STPG2: variants seen among roughly 807,000 people sequenced by gnomAD.
STPG2 encodes the protein sperm tail PG-rich repeat containing 2, also known as sperm-tail PG-rich repeat-containing protein 2.
A neutral mutation model predicts 54.2 loss-of-function variants in STPG2; 56 were observed. The ratio of observed to expected loss-of-function variants is 1.03; its 90% CI spans 0.83 to 1.29. STPG2 has a LOEUF of 1.29. STPG2 is among the 50% of genes most tolerant of loss of function. The pLI, the probability that STPG2 is intolerant of heterozygous loss-of-function variation, is 0.00. For synonymous variants in STPG2, 200 were observed against 181.8 expected (o/e 1.10, Z -0.81); for missense variants, 596 against 544.9 (o/e 1.09, Z -0.93).
At chr4:97,788,867 T>C (rs1340068797) in intron 9 of STPG2, among the ~76,000 whole-genome samples, 1 of 152,120 alleles carries the variant, frequency 6.6e-6, no homozygotes, top group Non-Finnish European at 1.5e-5. Context: ...GTTCGATATA[T>C]CCTTTGTATC....
At chr4:98,100,145 A>C (rs1376894250) in intron 5 of STPG2, among the ~76,000 whole-genome samples, 4 of 152,162 alleles carry the variant, frequency 2.6e-5, no homozygotes, top group African/African-American at 9.6e-5. Flanking sequence ...AATACAAAGA[A>C]AGAAAAAAAA....
At position 97,676,113 on chromosome 4, in the gene STPG2, A is replaced by AGT. The variant is rs1239254521; in HGVS notation, c.1320+36584_1320+36585dup. Among the ~76,000 whole-genome samples, 3 of 146,766 alleles carry AGT rather than the reference A, an allele frequency of 2.0e-5. No individual in the cohort carries two copies. In the Admixed American group the frequency reaches 2.1e-4, roughly 10 times the overall value. On this transcript the variant is annotated intron_variant, in intron 10 of 10. Coordinates refer to ENST00000295268, the MANE Select transcript of STPG2 (RefSeq NM_174952.3). ...TACTAAATATATACTATATATATGT[A>AGT]GTGTATATATATATTTTTTTGCTTA...
intron 10 of STPG2, among the ~76,000 whole-genome samples, chr4:97,582,354 T>C (rs1292562763): frequency 1.3e-5 from 2 of 152,024 alleles, no homozygotes; most frequent in African/African-American, 4.8e-5. Flanking sequence ...AACATCATGA[T>C]GCAATATAAA....
chr4:97,767,696 A>G (rs74394929), intron 9 of STPG2, among the ~76,000 whole-genome samples: 5,740 of 152,188 alleles, frequency 0.038, 144 homozygotes, highest in Non-Finnish European at 0.053. Context: ...GAGTATTTGA[A>G]TGTGTTATTT....
At chr4:97,998,234 C>A (rs910183960) in intron 5 of STPG2, among the ~76,000 whole-genome samples, 1 of 152,158 alleles carries the variant, frequency 6.6e-6, no homozygotes, top group African/African-American at 2.4e-5. Context: ...AATTATGTAG[C>A]ACCAATTCTG....
intron 8 of STPG2, among the ~76,000 whole-genome samples, chr4:97,934,294 T>C (rs1183715269): frequency 3.3e-5 from 5 of 152,232 alleles, no homozygotes; most frequent in Non-Finnish European, 5.9e-5. Flanking sequence ...TATAGGATCA[T>C]ATTGTCTGCA....
chr4:97,757,206 A>C (rs1349719313), intron 9 of STPG2, among the ~76,000 whole-genome samples: 4 of 152,202 alleles, frequency 2.6e-5, no homozygotes, highest in Non-Finnish European at 4.4e-5. Context: ...TTTACAATTC[A>C]AGTCCATCTC....
rs1219241153 is a variant in STPG2 at position 98,128,454 on chromosome 4, C to T, written c.361G>A (p.Gly121Ser). ...AATTGAGGTTTGTAGTATGCTGGAC[C>T]AAGTGTACTGTCACAAGCAGGTGGA... ...CFPPACDSTL[G>S]PAYYKPQFDV... Residue 121 changes from glycine to serine, a missense_variant, in exon 3 of 11, where the codon GGT becomes AGT. By Grantham distance (56) the Gly-to-Ser change is moderately conservative. Coordinates refer to ENST00000295268, the MANE Select transcript of STPG2 (RefSeq NM_174952.3). The T allele has an allele frequency of 9.9e-6, 16 of 1,611,248 alleles. No individual in the cohort carries two copies. Among genetic ancestry groups the T allele is most frequent in the Middle Eastern group, 1.7e-4 (1 of 5,972 alleles).
chr4:97,886,761 T>C (rs1730585402), intron 8 of STPG2, among the ~76,000 whole-genome samples: 1 of 152,208 alleles, frequency 6.6e-6, no homozygotes, highest in African/African-American at 2.4e-5. Context: ...ACTGCCCAAA[T>C]GTCATGTCAA....
chr4:97,666,308 T>C (rs11097566), intron 10 of STPG2, among the ~76,000 whole-genome samples: 88,828 of 152,036 alleles, frequency 0.58, 26,304 homozygotes, highest in African/African-American at 0.68. Context: ...CTAGATGGGA[T>C]GCCTACCACT....
At chr4:97,694,397 C>T (rs1233654245) in intron 10 of STPG2, among the ~76,000 whole-genome samples, 1 of 151,556 alleles carries the variant, frequency 6.6e-6, no homozygotes, top group Non-Finnish European at 1.5e-5. Context: ...ACTTTACATG[C>T]ATAAAGAGGA....
At chr4:97,688,515 C>T (rs529244687) in intron 10 of STPG2, among the ~76,000 whole-genome samples, 247 of 152,098 alleles carry the variant, frequency 1.6e-3, no homozygotes, top group African/African-American at 5.7e-3. Context: ...TACAGGCACC[C>T]GCCACCATGC....
intron 6 of STPG2, among the ~76,000 whole-genome samples, chr4:97,975,549 A>G (rs1315391419): frequency 6.6e-6 from 1 of 152,136 alleles, no homozygotes; most frequent in Non-Finnish European, 1.5e-5. Context: ...ATGCTGTTCA[A>G]AAGTTTTTAT....
chr4:97,446,689 T>G (rs759013383), intron 4 of STPG2, among the ~76,000 whole-genome samples: 1 of 152,150 alleles, frequency 6.6e-6, no homozygotes, highest in Non-Finnish European at 1.5e-5. Context: ...GTTTTATAAG[T>G]GTTGGCAGTA....
chr4:97,952,403 C>T (rs1170689859), intron 7 of STPG2, among the ~76,000 whole-genome samples: 1 of 152,122 alleles, frequency 6.6e-6, no homozygotes, highest in Non-Finnish European at 1.5e-5. Flanking sequence ...AGAAACTTCC[C>T]AACAGCAAAA....
chr4:98,030,214 C>T (rs192531938), intron 5 of STPG2, among the ~76,000 whole-genome samples: 1 of 152,300 alleles, frequency 6.6e-6, no homozygotes, highest in East Asian at 1.9e-4. Context: ...AAAGCAGCTG[C>T]AGTCTCTATC....
intron 5 of STPG2, among the ~76,000 whole-genome samples, chr4:98,060,179 A>G (rs553383822): frequency 2.0e-5 from 3 of 152,320 alleles, no homozygotes; most frequent in Admixed American, 6.5e-5. Context: ...CCCCAGTCTC[A>G]GCCCAAAACT....
chr4:97,687,258 T>C (rs564948397), intron 10 of STPG2, among the ~76,000 whole-genome samples: 24 of 151,828 alleles, frequency 1.6e-4, no homozygotes, highest in African/African-American at 5.6e-4. Flanking sequence ...CCCTAACATT[T>C]TAATAAGCTC....
intron 4 of STPG2, among the ~76,000 whole-genome samples, chr4:97,520,144 G>A (rs1329896291): frequency 6.6e-6 from 1 of 152,090 alleles, no homozygotes; most frequent in Non-Finnish European, 1.5e-5. Context: ...CAATGGAATG[G>A]TTATGGTATT....
Sources: gnomAD v4.1 joint callset for allele counts (sites outside exome capture counted in the v4.1 genomes callset) on GRCh38, gnomAD v4.1.1 for gene constraint, MANE v1.5 for transcripts, NCBI Gene and HGNC (gene_info 2026-07-23, HGNC 2026-07-21) for gene names.